The following PIP5K1B variants were observed in gnomAD, a reference collection of about 807,000 sequenced individuals.
The protein encoded by PIP5K1B is phosphatidylinositol-4-phosphate 5-kinase type 1 beta.
In PIP5K1B, 42 loss-of-function variants were observed where a neutral mutation model predicts 67.0. That is an observed-to-expected ratio of 0.63 (90% CI 0.49 to 0.81). The LOEUF is 0.81. Among genes scored for constraint, PIP5K1B ranks in the 30% least tolerant of loss-of-function variants. The probability of loss-of-function intolerance (pLI) is 0.00; values close to 1 mark genes in which losing one functional copy is unlikely to be tolerated. For missense variants in PIP5K1B, 459 were observed against 646.3 expected (o/e 0.71, Z 3.14); for synonymous variants, 214 against 231.4 (o/e 0.92, Z 0.68).
At chr9:68,896,952 T>C (rs1308855006) in intron 8 of PIP5K1B, among the ~76,000 whole-genome samples, 1 of 152,160 alleles carries the variant, frequency 6.6e-6, no homozygotes, top group Non-Finnish European at 1.5e-5. Context: ...TCCCCAAGGC[T>C]CAGAATCCCC....
chr9:68,940,075 A>G (rs1394591198), intron 13 of PIP5K1B, among the ~76,000 whole-genome samples: 1 of 152,236 alleles, frequency 6.6e-6, no homozygotes, highest in Non-Finnish European at 1.5e-5. Context: ...TTTTTAAAAA[A>G]GGCAGCTTTG....
At chr9:68,938,430 T>A (rs1275858304) in intron 13 of PIP5K1B, among the ~76,000 whole-genome samples, 1 of 151,508 alleles carries the variant, frequency 6.6e-6, no homozygotes, top group Non-Finnish European at 1.5e-5. Flanking sequence ...CTCCTGCCAT[T>A]TTTTTTTTCC....
rs1215904802 is a variant in PIP5K1B, at chr9:68,742,581, C to T, written c.-162C>T. On this transcript the variant is annotated 5_prime_UTR_variant, in exon 2 of 16. Coordinates refer to ENST00000265382, the MANE Select transcript of PIP5K1B (RefSeq NM_003558.4). ...CAGTCCTGTGACCTTTCTCTGGTGC[C>T]TGATACCTCTCAGCATTTGAGGGCC... 1 of 152,246 alleles carries T rather than the reference C, an allele frequency of 6.6e-6. No homozygotes were observed. Among genetic ancestry groups the T allele is most frequent in the East Asian group, 1.9e-4 (1 of 5,204 alleles). The allele number at this position is 152,246 out of a possible 1,614,324, so 9.4% of individuals were successfully genotyped here.
chr9:68,967,385 C>A (rs1829094518), intron 14 of PIP5K1B, among the ~76,000 whole-genome samples: 1 of 152,124 alleles, frequency 6.6e-6, no homozygotes, highest in South Asian at 2.1e-4. Flanking sequence ...AGGCTGGGTC[C>A]TCAAATATTT....
intron 6 of PIP5K1B, among the ~76,000 whole-genome samples, chr9:68,888,103 C>T (rs547553336): frequency 5.9e-5 from 9 of 152,168 alleles, no homozygotes; most frequent in East Asian, 3.9e-4. Flanking sequence ...CTCAGCCTCC[C>T]GAGTAGCCGG....
At chr9:68,725,765 T>G (rs1828119738) in intron 1 of PIP5K1B, among the ~76,000 whole-genome samples, 1 of 152,204 alleles carries the variant, frequency 6.6e-6, no homozygotes, top group Admixed American at 6.5e-5. Flanking sequence ...TCATACTTAC[T>G]TGTTAAAGAA....
chr9:68,732,919 G>A (rs568574533), intron 1 of PIP5K1B, among the ~76,000 whole-genome samples: 9 of 150,702 alleles, frequency 6.0e-5, no homozygotes, highest in African/African-American at 9.9e-5. Context: ...GGTGGGTTGG[G>A]GGGGGGGCGG....
rs1419704189 is a variant in PIP5K1B at position 68,723,826 on chromosome 9, A to C, written c.-243+18064A>C. Among the ~76,000 whole-genome samples the C allele has an allele frequency of 1.7e-4, 25 of 148,186 alleles. No homozygotes were observed. In the Admixed American group the frequency reaches 1.7e-3, roughly 10 times the overall value. ...CTCCCATTCTTTAGGTTGTCTCTTC[A>C]CTTTGTTGATTGTTTCCTTTGCTGT... On this transcript the variant is annotated intron_variant, in intron 1 of 15. Coordinates refer to ENST00000265382, the MANE Select transcript of PIP5K1B (RefSeq NM_003558.4).
intron 4 of PIP5K1B, among the ~76,000 whole-genome samples, chr9:68,841,598 A>G (rs1821926647): frequency 6.6e-6 from 1 of 152,202 alleles, no homozygotes; most frequent in South Asian, 2.1e-4. Flanking sequence ...GGATTTTTTA[A>G]TAGTTCTTTG....
At chr9:68,879,531 G>T (rs1824066598) in intron 6 of PIP5K1B, among the ~76,000 whole-genome samples, 1 of 152,052 alleles carries the variant, frequency 6.6e-6, no homozygotes, top group African/African-American at 2.4e-5. Context: ...TCGGACCTCT[G>T]TACTCCAGCC....
chr9:68,884,191 A>G (rs535143336), intron 6 of PIP5K1B, among the ~76,000 whole-genome samples: 1 of 152,308 alleles, frequency 6.6e-6, no homozygotes, highest in Non-Finnish European at 1.5e-5. Flanking sequence ...TACAAAGGAA[A>G]CAACAGAGTG....
At chr9:68,919,201 A>T (rs1407661401) in intron 9 of PIP5K1B, among the ~76,000 whole-genome samples, 1 of 152,206 alleles carries the variant, frequency 6.6e-6, no homozygotes, top group African/African-American at 2.4e-5. Flanking sequence ...TTTAAATTGG[A>T]TTCTTCCCAT....
At chr9:68,742,218 T>C (rs965750743) in intron 1 of PIP5K1B, 4 of 152,176 alleles carry the variant, frequency 2.6e-5, no homozygotes, top group Admixed American at 1.3e-4. Context: ...TTTCTGATTC[T>C]AAAGTTCTGT....
intron 8 of PIP5K1B, among the ~76,000 whole-genome samples, chr9:68,900,273 C>T (rs775493704): frequency 7.9e-5 from 12 of 152,124 alleles, no homozygotes; most frequent in African/African-American, 1.7e-4. Context: ...GTCTCTCCAG[C>T]GAGACTTTAA....
chr9:68,931,056 G>A (rs1268302570), intron 12 of PIP5K1B, among the ~76,000 whole-genome samples: 1 of 151,862 alleles, frequency 6.6e-6, no homozygotes, highest in Non-Finnish European at 1.5e-5. Flanking sequence ...ATAGTACCTG[G>A]TCTTCAAGTT....
chr9:68,863,722 G>A (rs986383775), intron 4 of PIP5K1B, 115 bp from the exon 5 acceptor site: 52 of 823,268 alleles, frequency 6.3e-5, no homozygotes, highest in East Asian at 8.2e-5. Context: ...CCTCAGCCTC[G>A]TCATTGTTTT....
At chr9:68,861,603 G>C (rs922049849) in intron 4 of PIP5K1B, among the ~76,000 whole-genome samples, 1 of 152,166 alleles carries the variant, frequency 6.6e-6, no homozygotes, top group Non-Finnish European at 1.5e-5. Context: ...CGGTGCGGGG[G>C]CTGCAGAGCA....
chr9:68,710,748 C>T (rs1419439960), intron 1 of PIP5K1B, among the ~76,000 whole-genome samples: 1 of 152,198 alleles, frequency 6.6e-6, no homozygotes, highest in Non-Finnish European at 1.5e-5. Context: ...GAATAAACAA[C>T]ATGAAGTGTG....
chr9:68,968,397 G>A (rs1829151138), intron 14 of PIP5K1B, among the ~76,000 whole-genome samples: 1 of 151,346 alleles, frequency 6.6e-6, no homozygotes, highest in Admixed American at 6.6e-5. Flanking sequence ...GTGCATGCCT[G>A]TAATCCCAGC....
Sources: gnomAD v4.1 joint callset for allele counts (sites outside exome capture counted in the v4.1 genomes callset) on GRCh38, gnomAD v4.1.1 for gene constraint, MANE v1.5 for transcripts, NCBI Gene and HGNC (gene_info 2026-07-23, HGNC 2026-07-21) for gene names.